Variants in CSNK1G1 observed in about 807,000 individuals in gnomAD.
CSNK1G1 encodes casein kinase I isoform gamma-1.
CSNK1G1 carries 22 observed loss-of-function variants against 59.6 expected under a neutral mutation model. That is an observed-to-expected ratio of 0.37 (90% CI 0.26 to 0.53). The LOEUF (loss-of-function observed/expected upper bound fraction) is 0.53. CSNK1G1 is among the 20% of genes least tolerant of loss of function. CSNK1G1 has a pLI of 0.89. For synonymous variants in CSNK1G1, 179 were observed against 177.1 expected (o/e 1.01, Z -0.08); for missense variants, 384 against 519.5 (o/e 0.74, Z 2.54).
At chr15:64,326,324 C>T (rs1896832143) in intron 1 of CSNK1G1, among the ~76,000 whole-genome samples, 2 of 152,080 alleles carry the variant, frequency 1.3e-5, no homozygotes, top group South Asian at 4.1e-4. Context: ...CCATGCCTGG[C>T]CCAAGAAAAT....
chr15:64,344,054 A>C (rs1240723661), intron 1 of CSNK1G1, among the ~76,000 whole-genome samples: 1 of 152,144 alleles, frequency 6.6e-6, no homozygotes, highest in African/African-American at 2.4e-5. Context: ...TAAATTGGAA[A>C]GAAAAATAGT....
intron 4 of CSNK1G1, among the ~76,000 whole-genome samples, chr15:64,251,216 A>G (rs750476804): frequency 1.6e-4 from 25 of 152,220 alleles, no homozygotes; most frequent in Non-Finnish European, 2.6e-4. Context: ...ATAAGTAAAG[A>G]AAAGAGAATG....
intron 4 of CSNK1G1, among the ~76,000 whole-genome samples, chr15:64,221,150 T>C (rs1403075113): frequency 6.6e-6 from 1 of 152,204 alleles, no homozygotes; most frequent in Non-Finnish European, 1.5e-5. Flanking sequence ...AACATATTAC[T>C]CCATTCGTTG....
intron 1 of CSNK1G1, among the ~76,000 whole-genome samples, chr15:64,354,829 A>G (rs1034138241): frequency 6.6e-6 from 1 of 152,232 alleles, no homozygotes; most frequent in African/African-American, 2.4e-5. Flanking sequence ...GCCCAAGGTC[A>G]GTAACTAGCA....
rs147847434 is a variant in CSNK1G1 at position 64,318,249 on chromosome 15, C to T, written c.-224-17526G>A. ...TATACCCAACTAACTTTCTTCTTCC[C>T]GTGACGTATCAGTAGGGGTTTCTAA... On this transcript the variant is annotated intron_variant, in intron 1 of 11. Transcript: ENST00000303052. Among the ~76,000 whole-genome samples the T allele has an allele frequency of 7.0e-3, 1,068 of 152,006 alleles. 17 individuals carry two copies. Among genetic ancestry groups the T allele is most frequent in the African/African-American group, 0.025 (1,018 of 41,474 alleles).
intron 1 of CSNK1G1, 149 bp from the exon 2 acceptor site, chr15:64,300,872 T>A (rs114205286): frequency 7.0e-6 from 3 of 426,062 alleles, no homozygotes; most frequent in African/African-American, 6.1e-5. Context: ...TCCAATAGTT[T>A]AACCATCTGG....
chr15:64,276,015 T>C (rs2140356670), intron 2 of CSNK1G1, among the ~76,000 whole-genome samples: 1 of 152,324 alleles, frequency 6.6e-6, no homozygotes, highest in African/African-American at 2.4e-5. Context: ...TTACACATGA[T>C]ATTCTGATTA....
intron 11 of CSNK1G1, among the ~76,000 whole-genome samples, chr15:64,179,330 G>T (rs2081780698): frequency 6.6e-6 from 1 of 152,170 alleles, no homozygotes; most frequent in African/African-American, 2.4e-5. Context: ...CTGGAAGGTG[G>T]AAGAATGCAG....
chr15:64,289,961 C>G (rs1352416154), intron 2 of CSNK1G1, among the ~76,000 whole-genome samples: 1 of 152,014 alleles, frequency 6.6e-6, no homozygotes, highest in Admixed American at 6.6e-5. Flanking sequence ...AATTTTATAC[C>G]AGTCAGAATG....
rs563976578 is a variant in CSNK1G1 at position 64,259,042 on chromosome 15, C to T, written c.222+159G>A. On this transcript the variant is annotated intron_variant, in intron 3 of 11. Coordinates refer to ENST00000303052, the MANE Select transcript of CSNK1G1 (RefSeq NM_022048.5). Reference sequence around the variant, plus strand: ...TTATATAGTATACAGTGATTCATCACTGTTAACACTATAAATGAAGAAAAA... The same window carrying T: ...TTATATAGTATACAGTGATTCATCATTGTTAACACTATAAATGAAGAAAAA... 1.6e-3 allele frequency: 937 copies of T among 598,966 alleles called. 2 individuals are homozygous for T. The highest frequency in any genetic ancestry group is 2.0e-3 in the Non-Finnish European group (667 of 341,274). The allele number at this position is 598,966 out of a possible 1,614,324, so 37.1% of individuals were successfully genotyped here. A position where few individuals can be genotyped will look rare whatever the true frequency, so the allele number is the denominator to read the frequency against.
intron 2 of CSNK1G1, among the ~76,000 whole-genome samples, chr15:64,262,017 C>G (rs1376331727): frequency 2.0e-5 from 3 of 151,520 alleles, no homozygotes; most frequent in African/African-American, 4.9e-5. Flanking sequence ...AACATCAATG[C>G]TATCTTAAAG....
At chr15:64,321,893 A>G (rs956521714) in intron 1 of CSNK1G1, among the ~76,000 whole-genome samples, 1 of 152,222 alleles carries the variant, frequency 6.6e-6, no homozygotes, top group African/African-American at 2.4e-5. Context: ...TTATTTTTCT[A>G]TAGTTCCCGC....
Position 64,268,348 on chromosome 15 carries a change from T to C in CSNK1G1, c.182-9107A>G, listed in dbSNP as rs559306117. Among the ~76,000 whole-genome samples, 8 of 152,248 alleles carry C rather than the reference T, an allele frequency of 5.3e-5. No individual in the cohort carries two copies. The East Asian group carries it at 9.6e-4, about 18-fold the overall frequency. On this transcript the variant is annotated intron_variant, in intron 2 of 11. Coordinates refer to ENST00000303052, the MANE Select transcript of CSNK1G1 (RefSeq NM_022048.5). Reference sequence around the variant, plus strand: ...AGAAGGAAGAGGAATAAGGAAAGGTTTGTCAATGGGTACAAAGTTACAGTG... The same window carrying C: ...AGAAGGAAGAGGAATAAGGAAAGGTCTGTCAATGGGTACAAAGTTACAGTG...
chr15:64,308,813 C>T (rs1021927311), intron 1 of CSNK1G1, among the ~76,000 whole-genome samples: 5 of 151,738 alleles, frequency 3.3e-5, no homozygotes, highest in Non-Finnish European at 7.4e-5. Flanking sequence ...AGGAAAATGG[C>T]GTGAACCCGG....
chr15:64,333,257 C>CAAAAAA (rs60857897), intron 1 of CSNK1G1, among the ~76,000 whole-genome samples: 5 of 16,476 alleles, frequency 3.0e-4, no homozygotes, highest in Non-Finnish European at 2.9e-4. Flanking sequence ...GACTCCATCT[C>CAAAAAA]AAAAAAAAAA....
intron 1 of CSNK1G1, among the ~76,000 whole-genome samples, chr15:64,333,503 C>G (rs1201269612): frequency 7.9e-6 from 1 of 126,302 alleles, no homozygotes; most frequent in Non-Finnish European, 1.7e-5. Flanking sequence ...GCACAAAACT[C>G]ACAAGGTCTA....
chr15:64,341,524 G>T (rs991531845), intron 1 of CSNK1G1, among the ~76,000 whole-genome samples: 1 of 152,212 alleles, frequency 6.6e-6, no homozygotes, highest in East Asian at 1.9e-4. Flanking sequence ...TCAGGCTGGA[G>T]TGTAGTGGCA....
intron 10 of CSNK1G1, chr15:64,182,059 T>TG (rs1567358736): frequency 8.4e-6 from 1 of 119,526 alleles, no homozygotes; most frequent in Non-Finnish European, 1.8e-5. Flanking sequence ...ACCCGTTTTT[T>TG]TTTTTTTTTT....
At chr15:64,223,203 G>A (rs1016314471) in intron 4 of CSNK1G1, among the ~76,000 whole-genome samples, 2 of 151,874 alleles carry the variant, frequency 1.3e-5, no homozygotes, top group African/African-American at 4.8e-5. Context: ...TTACCACACA[G>A]TAACGGCTTA....
Sources: allele counts gnomAD v4.1 joint callset (sites outside exome capture counted in the v4.1 genomes callset), GRCh38; gene constraint gnomAD v4.1.1; transcripts MANE v1.5; gene names NCBI Gene and HGNC (gene_info 2026-07-23, HGNC 2026-07-21).